Variants in TBK1 observed in about 807,000 individuals in gnomAD.
TBK1 encodes the protein serine/threonine-protein kinase TBK1.
In TBK1, 37 loss-of-function variants were observed where a neutral mutation model predicts 99.9. That is an observed-to-expected ratio of 0.37 (90% CI 0.28 to 0.49). The LOEUF (loss-of-function observed/expected upper bound fraction) is 0.49. Ranked by LOEUF, TBK1 falls within the 20% of genes least tolerant of loss-of-function variation. TBK1 has a pLI of 0.98. For synonymous variants in TBK1, 258 were observed against 279.8 expected, an observed-to-expected ratio of 0.92 and a Z score of 0.78; for missense variants, 644 against 872.5, an observed-to-expected ratio of 0.74 and a Z score of 3.30.
intron 3 of TBK1, among the ~76,000 whole-genome samples, chr12:64,461,883 G>C (rs887867100): frequency 2.0e-5 from 3 of 152,222 alleles, no homozygotes; most frequent in East Asian, 1.9e-4. Flanking sequence ...CAGAGGAAGA[G>C]ACACAAAGCG....
chr12:64,481,596 G>C (rs901123453), intron 7 of TBK1, among the ~76,000 whole-genome samples: 1 of 152,082 alleles, frequency 6.6e-6, no homozygotes, highest in Non-Finnish European at 1.5e-5. Context: ...CTGCACTTCA[G>C]CCTGGGCAAC....
intron 20 of TBK1, among the ~76,000 whole-genome samples, chr12:64,499,058 T>TTTTCC (rs753957644): frequency 7.5e-6 from 1 of 133,234 alleles, no homozygotes; most frequent in East Asian, 2.1e-4. Flanking sequence ...TTTTTTTTTT[T>TTTTCC]CCCCCGAGAC....
Position 64,501,362 on chromosome 12 carries a change from G to A in TBK1, c.2171G>A (p.Arg724His), listed in dbSNP as rs768800259. 17 of 1,613,668 alleles carry A rather than the reference G, an allele frequency of 1.1e-5. No homozygotes were observed. The highest frequency in any genetic ancestry group is 2.2e-5 in the East Asian group (1 of 44,870). ...TCTTTAACCATGGATGGTGGCCTTC[G>A]CAACGTTGACTGTCTTTAGCTTTCT... ...FGSLTMDGGL[R>H]NVDCL is the part of the protein sequence containing the mutation. The change falls in exon 21 of 21, where the codon CGC becomes CAC. Residue 724 changes from arginine (R) to histidine (H), a missense_variant. By Grantham distance (29) the Arg-to-His change is conservative. Coordinates refer to ENST00000331710, the MANE Select transcript of TBK1 (RefSeq NM_013254.4).
Position 64,497,612 on chromosome 12 carries a change from G to GGTT in TBK1, c.1960-35_1960-33dup, listed in dbSNP as rs146676333. On this transcript the variant is annotated intron_variant, in intron 18 of 20. Coordinates refer to ENST00000331710, the MANE Select transcript of TBK1 (RefSeq NM_013254.4). ...TACTTTTGTTCTGTGATTAATGTGGGGTTTTTTTCTTTTTTTTTTTTTTTT... is the reference window on the plus strand; with the variant it reads ...TACTTTTGTTCTGTGATTAATGTGGGGTTGTTTTTTTCTTTTTTTTTTTTTTTT... The GGTT allele has an allele frequency of 0.099, 122,244 of 1,231,198 alleles. 7,699 individuals carry two copies. Among genetic ancestry groups the GGTT allele is most frequent in the African/African-American group, 0.23 (14,155 of 62,118 alleles). The allele number at this position is 1,231,198 out of a possible 1,614,324, so 76.3% of individuals were successfully genotyped here. A position where few individuals can be genotyped will look rare whatever the true frequency, so the allele number is the denominator to read the frequency against.
Position 64,479,999 on chromosome 12 carries a change from TG to T in TBK1, c.702-12del. 1 of 1,586,378 alleles carries T rather than the reference TG, an allele frequency of 6.3e-7. No homozygotes were observed. The highest frequency in any genetic ancestry group is 8.6e-7 in the Non-Finnish European group (1 of 1,161,096). Reference sequence around the variant, plus strand: ...TGAACTGCTTATTTTATTCTGCTTTTGTTCCTCCCAAGGTATAAAATAATTA... The same window carrying T: ...TGAACTGCTTATTTTATTCTGCTTTTTTCCTCCCAAGGTATAAAATAATTA... On this transcript the variant is annotated splice_polypyrimidine_tract_variant and intron_variant, in intron 6 of 20. Transcript: ENST00000331710.
chr12:64,480,150 T>G, intron 7 of TBK1, 28 bp downstream of exon 7: 1 of 1,547,552 alleles, frequency 6.5e-7, no homozygotes, highest in South Asian at 1.2e-5. Flanking sequence ...AATTCTCATC[T>G]TTTGCACTTT....
At position 64,488,601 on chromosome 12, in the gene TBK1, C is replaced by G. The variant is rs1360780323; in HGVS notation, c.1442+13C>G. ...AAACTGTGAAAGTGTGAGTAGACTA[C>G]TTCCTTACTAGTAGGGGTTAAATTA... is the stretch of plus-strand genomic sequence containing the variant. On this transcript the variant is annotated intron_variant, in intron 12 of 20. Transcript: ENST00000331710. 2 of 1,511,910 alleles carry G rather than the reference C, an allele frequency of 1.3e-6. No homozygotes were observed. The allele number at this position is 1,511,910 out of a possible 1,614,324, so 93.7% of individuals were successfully genotyped here. A position where few individuals can be genotyped will look rare whatever the true frequency, so the allele number is the denominator to read the frequency against.
chr12:64,463,615 C>T (rs1317094504), intron 3 of TBK1, among the ~76,000 whole-genome samples: 1 of 149,000 alleles, frequency 6.7e-6, no homozygotes, highest in Non-Finnish European at 1.5e-5. Flanking sequence ...AGGAGAATCA[C>T]TTGAACCTTG....
At chr12:64,482,459 G>T (rs2040777087) in intron 8 of TBK1, among the ~76,000 whole-genome samples, 1 of 151,950 alleles carries the variant, frequency 6.6e-6, no homozygotes, top group Admixed American at 6.6e-5. Context: ...CATAATAATG[G>T]TTAAAGCACC....
intron 4 of TBK1, among the ~76,000 whole-genome samples, chr12:64,465,436 A>G (rs948409156): frequency 2.0e-5 from 3 of 151,980 alleles, no homozygotes; most frequent in African/African-American, 7.3e-5. Context: ...ATATACCCCA[A>G]AGAATTAACA....
rs529622418 is a variant in TBK1 at position 64,476,311 on chromosome 12, C to G, written c.701+1921C>G. Among the ~76,000 whole-genome samples, 25 of 151,908 alleles carry G rather than the reference C, an allele frequency of 1.6e-4. No individual in the cohort carries two copies. The East Asian group carries it at 4.8e-3, about 29-fold the overall frequency. On this transcript the variant is annotated intron_variant, in intron 6 of 20. Transcript: ENST00000331710. ...TAGCTGAGACTACAGGCACGTGCCACCACACCCGGCTAATTTTTTGTATTT... is the reference window on the plus strand; with the variant it reads ...TAGCTGAGACTACAGGCACGTGCCAGCACACCCGGCTAATTTTTTGTATTT...
chr12:64,456,208 T>C (rs2040486044), intron 2 of TBK1, among the ~76,000 whole-genome samples: 1 of 152,138 alleles, frequency 6.6e-6, no homozygotes, highest in Admixed American at 6.5e-5. Context: ...GAAAGATTAG[T>C]GTTGTGCCTT....
In TBK1 at chr12:64,455,826, T is replaced by A; in HGVS notation, c.-31-14T>A. 2 of 1,501,022 alleles carry A rather than the reference T, an allele frequency of 1.3e-6. No individual in the cohort carries two copies. Among genetic ancestry groups the A allele is most frequent in the East Asian group, 2.3e-5 (1 of 44,356 alleles). The allele number at this position is 1,501,022 out of a possible 1,614,324, so 93.0% of individuals were successfully genotyped here. ...TCCCTTAAAACATAGTTGCAAATTT[T>A]TTTTTTCTCTTAGTATAACAAGAGG... On this transcript the variant is annotated splice_polypyrimidine_tract_variant and intron_variant, in intron 1 of 20. Transcript: ENST00000331710.
intron 6 of TBK1, among the ~76,000 whole-genome samples, chr12:64,478,117 C>T (rs1330105010): frequency 6.6e-6 from 1 of 152,154 alleles, no homozygotes; most frequent in Non-Finnish European, 1.5e-5. Context: ...TAACATATTT[C>T]TCAGACCTTT....
chr12:64,461,215 T>TC (rs144651594), intron 3 of TBK1, among the ~76,000 whole-genome samples: 8,105 of 151,970 alleles, frequency 0.053, 325 homozygotes, highest in South Asian at 0.15. Context: ...AAATCGAACT[T>TC]TAAAAAAATA....
chr12:64,459,203 G>T (rs2040521331), intron 2 of TBK1, among the ~76,000 whole-genome samples: 1 of 152,134 alleles, frequency 6.6e-6, no homozygotes, highest in East Asian at 1.9e-4. Context: ...GGATTTTCCT[G>T]CTTGCTCTAG....
intron 3 of TBK1, among the ~76,000 whole-genome samples, chr12:64,462,256 C>G (rs2040555662): frequency 6.6e-6 from 1 of 152,176 alleles, no homozygotes; most frequent in Non-Finnish European, 1.5e-5. Flanking sequence ...AAGGGCAAAG[C>G]CTGACTTCTC....
At chr12:64,490,728 G>A (rs1179268710) in intron 13 of TBK1, among the ~76,000 whole-genome samples, 2 of 151,872 alleles carry the variant, frequency 1.3e-5, no homozygotes, top group African/African-American at 4.8e-5. Flanking sequence ...ACCTGAGGTC[G>A]GGAGTTTGAG....
chr12:64,476,809 C>T (rs981332690), intron 6 of TBK1, among the ~76,000 whole-genome samples: 12 of 152,150 alleles, frequency 7.9e-5, no homozygotes, highest in Non-Finnish European at 1.3e-4. Context: ...TGAGGTCTTA[C>T]ATTTAAGTCT....
Sources: gnomAD v4.1 joint callset for allele counts (sites outside exome capture counted in the v4.1 genomes callset) on GRCh38, gnomAD v4.1.1 for gene constraint, MANE v1.5 for transcripts, NCBI Gene and HGNC (gene_info 2026-07-23, HGNC 2026-07-21) for gene names.